The following CEP295 variants were observed in gnomAD, a reference collection of about 807,000 sequenced individuals.
CEP295 encodes the protein centrosomal protein 295.
In CEP295, 190 loss-of-function variants were observed where a neutral mutation model predicts 291.6. The ratio of observed to expected loss-of-function variants is 0.65; its 90% CI spans 0.58 to 0.73. CEP295 has a LOEUF of 0.73. Among genes scored for constraint, CEP295 ranks in the 30% least tolerant of loss-of-function variants. The pLI is 0.00. For synonymous variants in CEP295, 993 were observed against 1,038.8 expected, an observed-to-expected ratio of 0.96 and a Z score of 0.85; for missense variants, 2,863 against 2,949.4, an observed-to-expected ratio of 0.97 and a Z score of 0.68.
Position 93,687,718 on chromosome 11 carries a change from CA to C in CEP295, c.1194del (p.Lys398AsnfsTer16), listed in dbSNP as rs771234519. The C allele has an allele frequency of 6.0e-5, 93 of 1,548,738 alleles. No individual in the cohort carries two copies. The highest frequency in any genetic ancestry group is 7.4e-5 in the Non-Finnish European group (85 of 1,145,086). On this transcript the variant is annotated frameshift_variant, in exon 10 of 30. Coordinates refer to ENST00000325212, the MANE Select transcript of CEP295 (RefSeq NM_033395.2). LOFTEE classifies it high-confidence loss of function. ...FKKLLNKIRSQKSLWTIKSMS... is the reference protein window; with the variant it reads ...FKKLLNKIRSXKSLWTIKSMS... ...AAAATTATTAAATAAGATCCGAAGC[CA>C]AAAATCTCTCTGGACAATTAAATCT...
intron 15 of CEP295, among the ~76,000 whole-genome samples, chr11:93,700,724 C>T (rs1952105077): frequency 6.6e-6 from 1 of 152,064 alleles, no homozygotes; most frequent in African/African-American, 2.4e-5. Flanking sequence ...AAACACACCA[C>T]AAAACAATGT....
chr11:93,683,507 T>C, intron 7 of CEP295, 52 bp from the exon 8 acceptor site: 1 of 1,313,446 alleles, frequency 7.6e-7, no homozygotes, highest in Non-Finnish European at 1.0e-6. Flanking sequence ...TTGTTAATAT[T>C]ACCATACAAA....
intron 26 of CEP295, 22 bp from the exon 27 acceptor site, chr11:93,729,590 CAT>C: frequency 6.5e-7 from 1 of 1,549,894 alleles, no homozygotes. Context: ...CTATTTCTGT[CAT>C]AAATTTCTTT....
chr11:93,729,918 T>C lies in CEP295; in HGVS notation c.7616T>C (p.Phe2539Ser). ...LKGVNKVRAS[F>S]PEDRKTTQAL... The stretch of plus-strand genomic sequence containing the variant: ...GGCGTGAATAAAGTCAGAGCATCTT[T>C]TCCTGAAGACAGAAAGACTACACAG... The change falls in exon 28 of 30, where the codon TTT becomes TCT. Residue 2539 changes from phenylalanine (F) to serine (S), a missense_variant. Physicochemically the swap from Phe to Ser is radical, Grantham distance 155 (BLOSUM62 -2). Transcript: ENST00000325212. 6.5e-7 allele frequency: 1 copy of C among 1,550,072 alleles called. No homozygotes were observed. Among genetic ancestry groups the C allele is most frequent in the South Asian group, 1.2e-5 (1 of 83,662 alleles).
Position 93,727,603 on chromosome 11 carries a change from G to C in CEP295, c.7127G>C (p.Gly2376Ala). Residue 2376 changes from glycine (G) to alanine (A), a missense_variant, in exon 24 of 30, where the codon GGA becomes GCA. Coordinates refer to ENST00000325212, the MANE Select transcript of CEP295 (RefSeq NM_033395.2). Reference sequence around the variant, plus strand: ...GAATCAGAGCTTTTTGCAAGTTCTGGATCATTTTCATTACAGAGCTCTATA... The same window carrying C: ...GAATCAGAGCTTTTTGCAAGTTCTGCATCATTTTCATTACAGAGCTCTATA... ...LGESELFASS[G>A]SFSLQSSIPV... 1 of 1,549,896 alleles carries C rather than the reference G, an allele frequency of 6.5e-7. No individual in the cohort carries two copies. The highest frequency in any genetic ancestry group is 8.7e-7 in the Non-Finnish European group (1 of 1,146,470).
intron 18 of CEP295, among the ~76,000 whole-genome samples, chr11:93,713,345 A>G (rs61921274): frequency 8.5e-4 from 130 of 152,244 alleles, no homozygotes; most frequent in Non-Finnish European, 1.5e-3. Context: ...TTTCTTTCCA[A>G]TTGAAGAACT....
At chr11:93,671,294 T>C (rs918001182) in intron 5 of CEP295, among the ~76,000 whole-genome samples, 2 of 152,330 alleles carry the variant, frequency 1.3e-5, no homozygotes, top group East Asian at 1.9e-4. Context: ...GGTTTTTTTT[T>C]CCTTTCTCTT....
Position 93,698,800 on chromosome 11 carries a change from A to T in CEP295, c.3888A>T (p.Val1296=), listed in dbSNP as rs969106465. ...CATCTTCATTCATACCCCAGTTGGTACAGCTTTCATTTACTTCGTTAGCTT... is the reference window on the plus strand; with the variant it reads ...CATCTTCATTCATACCCCAGTTGGTTCAGCTTTCATTTACTTCGTTAGCTT... ...TGSSSFIPQL[V]QLSFTSLASA... The change falls in exon 15 of 30, where the codon GTA becomes GTT. Residue 1296 remains valine, a synonymous_variant. Transcript: ENST00000325212. 1 of 1,551,606 alleles carries T rather than the reference A, an allele frequency of 6.4e-7. No individual in the cohort carries two copies. Among genetic ancestry groups the T allele is most frequent in the African/African-American group, 1.4e-5 (1 of 73,050 alleles).
intron 7 of CEP295, among the ~76,000 whole-genome samples, chr11:93,681,888 A>C: frequency 1.3e-5 from 2 of 149,096 alleles, no homozygotes; most frequent in East Asian, 2.0e-4. Context: ...CCCCTGCCAC[A>C]CCTCTCCTGA....
At position 93,699,955 on chromosome 11, in the gene CEP295, C is replaced by A. The variant is rs1211041910; in HGVS notation, c.5043C>A (p.Pro1681=). The part of the protein sequence containing the change: ...LYSSQNEHAA[P]PSNPVIPGFQ... The stretch of plus-strand genomic sequence containing the variant: ...CATCCCAGAATGAACATGCAGCCCC[C>A]CCAAGTAATCCTGTGATCCCAGGGT... The change falls in exon 15 of 30, where the codon CCC becomes CCA. Residue 1681 remains proline, a synonymous_variant. Coordinates refer to ENST00000325212, the MANE Select transcript of CEP295 (RefSeq NM_033395.2). The A allele has an allele frequency of 1.9e-5, 30 of 1,551,630 alleles. No individual in the cohort carries two copies. Among genetic ancestry groups the A allele is most frequent in the Non-Finnish European group, 2.4e-5 (28 of 1,147,016 alleles).
chr11:93,725,624 C>T, intron 22 of CEP295, 27 bp from the exon 23 acceptor site: 2 of 1,518,334 alleles, frequency 1.3e-6, no homozygotes, highest in Non-Finnish European at 1.8e-6. Context: ...ATCAGTATTT[C>T]AGCCTTTCCC....
chr11:93,708,631 C>T (rs1389384113), intron 18 of CEP295, among the ~76,000 whole-genome samples: 1 of 152,118 alleles, frequency 6.6e-6, no homozygotes, highest in Non-Finnish European at 1.5e-5. Flanking sequence ...CAGATATCTC[C>T]TCAGTGTACT....
chr11:93,709,010 A>C (rs1952710824), intron 18 of CEP295, among the ~76,000 whole-genome samples: 1 of 152,158 alleles, frequency 6.6e-6, no homozygotes. Flanking sequence ...TTTTTCCTAC[A>C]GAGTTGTTTG....
intron 10 of CEP295, among the ~76,000 whole-genome samples, chr11:93,689,575 A>G (rs938672056): frequency 6.6e-6 from 1 of 152,068 alleles, no homozygotes; most frequent in Admixed American, 6.6e-5. Context: ...TTTTCTGACT[A>G]TATAAAATGG....
chr11:93,684,479 G>A (rs1591014646), intron 9 of CEP295, among the ~76,000 whole-genome samples: 1 of 152,304 alleles, frequency 6.6e-6, no homozygotes, highest in Non-Finnish European at 1.5e-5. Flanking sequence ...ACACCTGAAT[G>A]TGTGTTCTGA....
chr11:93,692,101 T>A, intron 12 of CEP295, 71 bp downstream of exon 12: 1 of 830,992 alleles, frequency 1.2e-6, no homozygotes, highest in Non-Finnish European at 1.9e-6. Flanking sequence ...GTTTGGCCAA[T>A]GAAATTTGTC....
intron 18 of CEP295, among the ~76,000 whole-genome samples, chr11:93,707,913 G>A (rs755166956): frequency 2.6e-5 from 4 of 152,086 alleles, no homozygotes; most frequent in Non-Finnish European, 5.9e-5. Context: ...TCTTTTGAGG[G>A]TTTATTAAAA....
intron 1 of CEP295, among the ~76,000 whole-genome samples, chr11:93,664,346 C>A (rs1170430021): frequency 6.6e-6 from 1 of 152,146 alleles, no homozygotes; most frequent in Non-Finnish European, 1.5e-5. Context: ...ATAAGGAAAC[C>A]AGATTCTTCC....
rs1369336506 is a variant in CEP295, at chr11:93,696,755, C to A, written c.1843C>A (p.Pro615Thr). 6.4e-7 allele frequency: 1 copy of A among 1,551,240 alleles called. No individual in the cohort carries two copies. Among genetic ancestry groups the A allele is most frequent in the Non-Finnish European group, 8.7e-7 (1 of 1,146,736 alleles). Residue 615 changes from proline to threonine, a missense_variant, in exon 15 of 30, where the codon CCA becomes ACA. Physicochemically the swap from Pro to Thr is conservative, Grantham distance 38. Around this residue, in one of 3 missense-constraint regions of CEP295, gnomAD observed 2,295 missense variants for 2,335.7 expected, o/e 0.98. Coordinates refer to ENST00000325212, the MANE Select transcript of CEP295 (RefSeq NM_033395.2). ...EYQTMLKGRC[P>T]SVSAPSLITD... is the part of the protein sequence containing the mutation. Reference sequence around the variant, plus strand: ...TCAAACTATGTTAAAAGGAAGGTGCCCATCGGTGTCAGCTCCATCATTGAT... The same window carrying A: ...TCAAACTATGTTAAAAGGAAGGTGCACATCGGTGTCAGCTCCATCATTGAT...
Sources: gnomAD v4.1 joint callset for allele counts (sites outside exome capture counted in the v4.1 genomes callset) on GRCh38, gnomAD v4.1.1 for gene constraint, gnomAD v4.1.1 regional missense constraint, MANE v1.5 for transcripts, NCBI Gene and HGNC (gene_info 2026-07-23, HGNC 2026-07-21) for gene names.